STK3: variants seen among roughly 807,000 people sequenced by gnomAD.
STK3 encodes the protein serine/threonine kinase 3.
STK3 carries 41 observed loss-of-function variants against 58.0 expected under a neutral mutation model. The observed-to-expected ratio is 0.71, with a 90% CI of 0.55 to 0.92. The LOEUF (loss-of-function observed/expected upper bound fraction) is 0.92, where lower values mean the gene tolerates loss of function less well. Ranked by LOEUF, STK3 falls within the 40% of genes least tolerant of loss-of-function variation. The pLI, the probability that STK3 is intolerant of heterozygous loss-of-function variation, is 0.00. For synonymous variants in STK3, 170 were observed against 191.0 expected (o/e 0.89, Z 0.91); for missense variants, 479 against 602.7 (o/e 0.79, Z 2.15).
Position 98,919,781 on chromosome 8 carries a change from T to C in STK3, c.-79+22597A>G, listed in dbSNP as rs183270021. 8.0e-4 allele frequency among the ~76,000 whole-genome samples: 121 copies of C among 151,756 alleles called. 1 individual carries two copies. In the East Asian group the frequency reaches 9.8e-3, roughly 12 times the overall value. On this transcript the variant is annotated intron_variant, in intron 1 of 1. Coordinates refer to the STK3 transcript ENST00000519420. ...TGTATATGTTTAGAATTTTCCATGA[T>C]AAAAAAGCTAAGAAAAGTCTTAGGA... is the stretch of plus-strand genomic sequence containing the variant.
chr8:98,598,710 G>C (rs1301699488), intron 6 of STK3: 3 of 985,148 alleles, frequency 3.0e-6, no homozygotes, highest in Non-Finnish European at 3.6e-6. Flanking sequence ...AAATCACAGG[G>C]ACACACATTA....
At chr8:98,597,085 T>C (rs1815891761) in intron 6 of STK3, among the ~76,000 whole-genome samples, 1 of 151,920 alleles carries the variant, frequency 6.6e-6, no homozygotes, top group African/African-American at 2.4e-5. Flanking sequence ...TTTGGAGAGG[T>C]GAAAAAAGGA....
intron 1 of STK3, among the ~76,000 whole-genome samples, chr8:98,799,918 A>C (rs1008867508): frequency 6.6e-6 from 1 of 152,184 alleles, no homozygotes. Context: ...AGACCTCCTC[A>C]CTGCTGAGAA....
intron 6 of STK3, among the ~76,000 whole-genome samples, chr8:98,670,429 T>G (rs1263588407): frequency 6.6e-6 from 1 of 152,048 alleles, no homozygotes; most frequent in African/African-American, 2.4e-5. Flanking sequence ...TAAGCAATAA[T>G]CTAGATGCAA....
chr8:98,883,007 C>G (rs899038555), downstream of STK3: 7 of 152,172 alleles, frequency 4.6e-5, no homozygotes, highest in African/African-American at 1.7e-4. Context: ...CCAAGGCCAG[C>G]TTGATTTGGG....
chr8:98,685,274 C>G (rs1823905207), intron 6 of STK3, among the ~76,000 whole-genome samples: 1 of 152,130 alleles, frequency 6.6e-6, no homozygotes, highest in Non-Finnish European at 1.5e-5. Flanking sequence ...ATTTGTATGT[C>G]AGTAGGAAAA....
intron 4 of STK3, among the ~76,000 whole-genome samples, chr8:98,738,259 C>T (rs1440646807): frequency 2.6e-5 from 4 of 151,928 alleles, no homozygotes; most frequent in Non-Finnish European, 5.9e-5. Context: ...GATCACCCCA[C>T]GTCAGGAGTT....
chr8:98,533,798 T>G (rs557400845), intron 9 of STK3, among the ~76,000 whole-genome samples: 31 of 152,190 alleles, frequency 2.0e-4, no homozygotes, highest in Non-Finnish European at 4.0e-4. Flanking sequence ...CTGAGTTATG[T>G]CTTTTAAATG....
chr8:98,714,097 T>A (rs1826784238), intron 4 of STK3, among the ~76,000 whole-genome samples: 1 of 152,184 alleles, frequency 6.6e-6, no homozygotes, highest in Admixed American at 6.5e-5. Flanking sequence ...TGCTACAAAC[T>A]CTCAATAAAT....
At chr8:98,691,002 G>A (rs1021073399) in intron 6 of STK3, among the ~76,000 whole-genome samples, 1 of 152,134 alleles carries the variant, frequency 6.6e-6, no homozygotes, top group Non-Finnish European at 1.5e-5. Flanking sequence ...AGTGGGGGCT[G>A]ACTACTGGGT....
intron 10 of STK3, among the ~76,000 whole-genome samples, chr8:98,515,757 T>C (rs1824882600): frequency 6.6e-6 from 1 of 151,978 alleles, no homozygotes; most frequent in South Asian, 2.1e-4. Context: ...TTTTTTTTTT[T>C]ATTCTTGCAG....
At chr8:98,541,657 G>A (rs1373050144) in intron 9 of STK3, among the ~76,000 whole-genome samples, 2 of 152,134 alleles carry the variant, frequency 1.3e-5, no homozygotes, top group Admixed American at 6.5e-5. Context: ...GCACATTTGA[G>A]TATAACTGTT....
At chr8:98,413,326 T>C (rs2131043686) in intron 3 of STK3, 1 of 486,820 alleles carries the variant, frequency 2.1e-6, no homozygotes, top group Admixed American at 2.1e-5. Context: ...AATTTTGTTT[T>C]TGATTGCCAT....
chr8:98,777,742 G>A (rs573168194), intron 1 of STK3, among the ~76,000 whole-genome samples: 14 of 152,224 alleles, frequency 9.2e-5, no homozygotes, highest in African/African-American at 3.1e-4. Context: ...GACGATTCTC[G>A]AGGAAACATT....
chr8:98,587,071 G>C (rs974766243), intron 7 of STK3, among the ~76,000 whole-genome samples: 5 of 151,852 alleles, frequency 3.3e-5, no homozygotes, highest in African/African-American at 1.2e-4. Context: ...TTAATTTTTT[G>C]AAGGGTTTTT....
intron 10 of STK3, among the ~76,000 whole-genome samples, chr8:98,518,646 G>A (rs1028534141): frequency 1.3e-5 from 2 of 152,082 alleles, no homozygotes; most frequent in Non-Finnish European, 1.5e-5. Context: ...GCAGACGGAT[G>A]GTCAAAACCT....
intron 1 of STK3, among the ~76,000 whole-genome samples, chr8:98,923,923 G>A (rs17374005): frequency 0.065 from 9,762 of 149,448 alleles, 420 homozygotes; most frequent in South Asian, 0.11. Context: ...ATAGTTTTAC[G>A]TTGAGCCAGC....
At chr8:98,391,788 C>T (rs1039458406), upstream of STK3, among the ~76,000 whole-genome samples, 3 of 152,078 alleles carry the variant, frequency 2.0e-5, no homozygotes, top group East Asian at 1.9e-4. Flanking sequence ...TAACTAGAAC[C>T]GGGACACAAT....
At chr8:98,864,197 CAAAAAAAAAAAAA>C (rs35196007) in intron 3 of STK3, among the ~76,000 whole-genome samples, 24 of 37,454 alleles carry the variant, frequency 6.4e-4, no homozygotes, top group African/African-American at 2.9e-3. Flanking sequence ...GACTCCTTCT[CAAAAAAAAAAAAA>C]AAAAAAAAAA....
Sources: gnomAD v4.1 joint callset for allele counts (sites outside exome capture counted in the v4.1 genomes callset) on GRCh38, gnomAD v4.1.1 for gene constraint, MANE v1.5 for transcripts, NCBI Gene and HGNC (gene_info 2026-07-23, HGNC 2026-07-21) for gene names.